CNTNAP5: variants seen among roughly 807,000 people sequenced by gnomAD.
The protein encoded by CNTNAP5 is contactin associated protein family member 5.
In CNTNAP5, 72 loss-of-function variants were observed where a neutral mutation model predicts 150.2. The observed-to-expected ratio is 0.48, with a 90% CI of 0.40 to 0.58. The LOEUF (loss-of-function observed/expected upper bound fraction) is 0.58. CNTNAP5 is among the 20% of genes least tolerant of loss of function. CNTNAP5 has a pLI of 0.00. For missense variants in CNTNAP5, 1,636 were observed against 1,626.2 expected (o/e 1.01, Z -0.10); for synonymous variants, 672 against 619.8 (o/e 1.08, Z -1.25).
At chr2:124,178,542 T>C (rs1319944958) in intron 1 of CNTNAP5, among the ~76,000 whole-genome samples, 1 of 152,216 alleles carries the variant, frequency 6.6e-6, no homozygotes, top group African/African-American at 2.4e-5. Flanking sequence ...TCAATGTTTT[T>C]GTTTAATGTT....
intron 1 of CNTNAP5, among the ~76,000 whole-genome samples, chr2:124,122,902 G>GTATATA (rs56245047): frequency 2.3e-4 from 35 of 150,230 alleles, no homozygotes; most frequent in Non-Finnish European, 4.9e-4. Flanking sequence ...AAAAATATAT[G>GTATATA]TATATATATA....
intron 3 of CNTNAP5, among the ~76,000 whole-genome samples, chr2:124,302,359 G>C (rs1688585217): frequency 6.6e-6 from 1 of 152,192 alleles, no homozygotes; most frequent in Non-Finnish European, 1.5e-5. Flanking sequence ...TGCTATAACA[G>C]AATAACACAG....
At chr2:124,215,826 C>T (rs551631361) in intron 1 of CNTNAP5, among the ~76,000 whole-genome samples, 1 of 151,808 alleles carries the variant, frequency 6.6e-6, no homozygotes, top group African/African-American at 2.4e-5. Flanking sequence ...TTTCACTTCG[C>T]AGAAAAAAGA....
At chr2:124,407,696 A>G (rs1436397153) in intron 3 of CNTNAP5, among the ~76,000 whole-genome samples, 1 of 152,228 alleles carries the variant, frequency 6.6e-6, no homozygotes, top group Admixed American at 6.5e-5. Flanking sequence ...GGCATTGTAT[A>G]GGATTAGAGA....
chr2:124,905,009 G>C (rs568182100), intron 22 of CNTNAP5, among the ~76,000 whole-genome samples: 1 of 68,494 alleles, frequency 1.5e-5, no homozygotes, highest in Admixed American at 1.6e-4. Flanking sequence ...AGTATCCAAA[G>C]CATAAAAAGA....
At chr2:124,824,242 C>A (rs1025233480) in intron 19 of CNTNAP5, among the ~76,000 whole-genome samples, 2 of 152,014 alleles carry the variant, frequency 1.3e-5, no homozygotes, top group African/African-American at 4.8e-5. Context: ...GATGAGTGAC[C>A]ATGCTCTTTC....
rs60444454 is a variant in CNTNAP5, at chr2:124,660,043, A to AAAGG, written c.2077+12122_2077+12125dup. ...AGAAAGGAGGAAGGAAGGAAGGAAGAAAGGAAGGAAGGAAGGAAGGAAGGA... is the reference window on the plus strand; with the variant it reads ...AGAAAGGAGGAAGGAAGGAAGGAAGAAAGGAAGGAAGGAAGGAAGGAAGGAAGGA... On this transcript the variant is annotated intron_variant, in intron 13 of 23. Coordinates refer to ENST00000682447, the MANE Select transcript of CNTNAP5 (RefSeq NM_001367498.1). Among the ~76,000 whole-genome samples, 682 of 130,936 alleles carry AAAGG rather than the reference A, an allele frequency of 5.2e-3. 2 individuals are homozygous for AAAGG. Among genetic ancestry groups the AAAGG allele is most frequent in the African/African-American group, 0.015 (498 of 33,412 alleles). 85.9% of individuals were successfully genotyped at this position (130,936 alleles called of 152,430 possible). A position where few individuals can be genotyped will look rare whatever the true frequency, so the allele number is the denominator to read the frequency against.
chr2:124,341,659 G>T (rs1053038023), intron 3 of CNTNAP5, among the ~76,000 whole-genome samples: 1 of 152,118 alleles, frequency 6.6e-6, no homozygotes, highest in Non-Finnish European at 1.5e-5. Context: ...GAAAAACAAA[G>T]GTTGAAGTCT....
intron 21 of CNTNAP5, among the ~76,000 whole-genome samples, chr2:124,883,052 A>G (rs899872293): frequency 1.4e-5 from 2 of 145,166 alleles, no homozygotes; most frequent in Non-Finnish European, 3.0e-5. Flanking sequence ...AACCATATCA[A>G]TATATATCAT....
chr2:124,499,734 A>C (rs1057185198), intron 7 of CNTNAP5, among the ~76,000 whole-genome samples: 1 of 152,206 alleles, frequency 6.6e-6, no homozygotes, highest in Admixed American at 6.5e-5. Context: ...TTGTACTGGC[A>C]AATTTCTCAT....
intron 1 of CNTNAP5, among the ~76,000 whole-genome samples, chr2:124,034,485 A>G (rs1435547410): frequency 6.6e-6 from 1 of 152,176 alleles, no homozygotes; most frequent in Non-Finnish European, 1.5e-5. Flanking sequence ...AGTAGAGTCT[A>G]CCTTCACCTG....
At chr2:124,177,372 C>T (rs11899935) in intron 1 of CNTNAP5, among the ~76,000 whole-genome samples, 31,444 of 151,960 alleles carry the variant, frequency 0.21, 3,422 homozygotes, top group African/African-American at 0.24. Context: ...GCTCCAACAA[C>T]GGGCAGACAG....
intron 11 of CNTNAP5, among the ~76,000 whole-genome samples, 199 bp downstream of exon 11, chr2:124,563,522 T>C (rs1695942093): frequency 2.0e-5 from 3 of 152,338 alleles, no homozygotes; most frequent in Non-Finnish European, 4.4e-5. Flanking sequence ...TTGTGGAGTT[T>C]ATGGTCTACC....
intron 1 of CNTNAP5, among the ~76,000 whole-genome samples, chr2:124,081,277 T>A (rs1454219002): frequency 6.6e-6 from 1 of 152,126 alleles, no homozygotes; most frequent in African/African-American, 2.4e-5. Context: ...TGGGAAACAC[T>A]CTTTATGACT....
chr2:124,525,196 A>G (rs1694935711), intron 9 of CNTNAP5, among the ~76,000 whole-genome samples: 1 of 152,234 alleles, frequency 6.6e-6, no homozygotes, highest in Admixed American at 6.5e-5. Flanking sequence ...AAAAATTAAT[A>G]TCTAATTTCA....
intron 1 of CNTNAP5, among the ~76,000 whole-genome samples, chr2:124,026,720 C>T (rs1386202117): frequency 6.6e-6 from 1 of 152,224 alleles, no homozygotes; most frequent in Non-Finnish European, 1.5e-5. Flanking sequence ...TCCCATATCC[C>T]TTATCCCTGT....
chr2:124,338,212 A>C (rs1689524947), intron 3 of CNTNAP5, among the ~76,000 whole-genome samples: 1 of 152,004 alleles, frequency 6.6e-6, no homozygotes, highest in East Asian at 1.9e-4. Flanking sequence ...TTGCACATTG[A>C]TTTTGTATCC....
At chr2:124,694,078 G>A (rs1292532962) in intron 13 of CNTNAP5, among the ~76,000 whole-genome samples, 2 of 152,072 alleles carry the variant, frequency 1.3e-5, no homozygotes, top group African/African-American at 4.8e-5. Context: ...GGTGTTCATT[G>A]CTGAGTTGGC....
intron 1 of CNTNAP5, among the ~76,000 whole-genome samples, chr2:124,061,151 G>T (rs1261939555): frequency 1.3e-5 from 2 of 152,098 alleles, no homozygotes; most frequent in Admixed American, 1.3e-4. Flanking sequence ...CACATCATGA[G>T]ATCCTCCCTG....
Sources: allele counts gnomAD v4.1 joint callset (sites outside exome capture counted in the v4.1 genomes callset), GRCh38; gene constraint gnomAD v4.1.1; transcripts MANE v1.5; gene names NCBI Gene and HGNC (gene_info 2026-07-23, HGNC 2026-07-21).